Variants in RNGTT observed in about 807,000 individuals in gnomAD.
RNGTT encodes the protein RNA guanylyltransferase and 5'-phosphatase.
Under a neutral mutation model 79.3 loss-of-function variants are expected in RNGTT, and 33 were observed. The observed-to-expected ratio is 0.42, with a 90% CI of 0.32 to 0.56. The LOEUF is 0.56. Ranked by LOEUF, RNGTT falls within the 20% of genes least tolerant of loss-of-function variation. The pLI is 0.17. For missense variants in RNGTT, 497 were observed against 739.1 expected (o/e 0.67, Z 3.80); for synonymous variants, 222 against 235.9 (o/e 0.94, Z 0.54).
intron 13 of RNGTT, among the ~76,000 whole-genome samples, chr6:88,761,090 T>C (rs1439510859): frequency 3.3e-5 from 5 of 151,070 alleles, no homozygotes; most frequent in South Asian, 4.2e-4. Context: ...ACTTTTCCGA[T>C]AGGAAGTAAA....
At chr6:88,845,717 C>G (rs1392425592) in intron 10 of RNGTT, among the ~76,000 whole-genome samples, 1 of 152,124 alleles carries the variant, frequency 6.6e-6, no homozygotes, top group Admixed American at 6.5e-5. Flanking sequence ...AGAAGGATGA[C>G]AACTTTGATA....
intron 13 of RNGTT, among the ~76,000 whole-genome samples, chr6:88,687,570 C>T (rs1244756386): frequency 6.6e-6 from 1 of 152,132 alleles, no homozygotes; most frequent in Non-Finnish European, 1.5e-5. Context: ...CGGTTAAATC[C>T]ACACAGTGGA....
intron 8 of RNGTT, among the ~76,000 whole-genome samples, chr6:88,864,570 A>T (rs1438423898): frequency 6.6e-6 from 1 of 152,082 alleles, no homozygotes; most frequent in Non-Finnish European, 1.5e-5. Context: ...AAGTTACTTG[A>T]CTAAGTGTCT....
chr6:88,817,478 C>T (rs1463311540), intron 11 of RNGTT, among the ~76,000 whole-genome samples: 3 of 15,986 alleles, frequency 1.9e-4, no homozygotes, highest in Non-Finnish European at 2.2e-4. Flanking sequence ...CCTGTCTCTA[C>T]AAAAAAATAA....
intron 9 of RNGTT, 114 bp from the exon 10 acceptor site, chr6:88,849,940 T>G (rs1377106712): frequency 9.7e-7 from 1 of 1,032,554 alleles, no homozygotes; most frequent in Admixed American, 4.1e-5. Context: ...TACAACTTGA[T>G]GAAATTTCAA....
At chr6:88,776,318 G>C (rs55693280) in intron 12 of RNGTT, among the ~76,000 whole-genome samples, 1 of 146,006 alleles carries the variant, frequency 6.8e-6, no homozygotes, top group Non-Finnish European at 1.5e-5. Context: ...TACACCTTTT[G>C]ACCTTTTTTT....
chr6:88,677,230 A>T (rs944567637), intron 14 of RNGTT, among the ~76,000 whole-genome samples: 1 of 152,012 alleles, frequency 6.6e-6, no homozygotes, highest in Non-Finnish European at 1.5e-5. Flanking sequence ...AGCTCTAGAA[A>T]ATGCAAATTA....
chr6:88,738,087 T>G (rs1382360706), intron 13 of RNGTT, among the ~76,000 whole-genome samples: 1 of 152,068 alleles, frequency 6.6e-6, no homozygotes, highest in Non-Finnish European at 1.5e-5. Flanking sequence ...AAGGTCAACA[T>G]CAAAAATCAT....
At chr6:88,639,646 T>C (rs1042237679) in intron 14 of RNGTT, among the ~76,000 whole-genome samples, 10 of 152,292 alleles carry the variant, frequency 6.6e-5, no homozygotes, top group East Asian at 1.9e-4. Context: ...CTTGGAAGGA[T>C]AGATTTTTAT....
intron 13 of RNGTT, among the ~76,000 whole-genome samples, chr6:88,681,680 C>A (rs1775100566): frequency 6.6e-6 from 1 of 152,080 alleles, no homozygotes; most frequent in South Asian, 2.1e-4. Flanking sequence ...ATTTTAAATT[C>A]CCAGAGTAAA....
intron 13 of RNGTT, among the ~76,000 whole-genome samples, chr6:88,741,867 T>C (rs1777502765): frequency 6.6e-6 from 1 of 152,186 alleles, no homozygotes; most frequent in South Asian, 2.1e-4. Flanking sequence ...AGCTTTATAA[T>C]TGCAAATAAC....
chr6:88,844,342 A>C lies in RNGTT; in HGVS notation c.1269+15T>G, dbSNP rs1052277775. ...GACATTATTAGCACTAATTTAAAAA[A>C]AAATTAAACTTTACCTTTCTTGAAG... On this transcript the variant is annotated intron_variant, in intron 11 of 15. Coordinates refer to ENST00000369485, the MANE Select transcript of RNGTT (RefSeq NM_003800.5). The C allele has an allele frequency of 6.2e-6, 10 of 1,603,650 alleles. No individual in the cohort carries two copies. In the African/African-American group the frequency reaches 1.3e-4, roughly 22 times the overall value.
intron 13 of RNGTT, among the ~76,000 whole-genome samples, chr6:88,713,529 A>G (rs919336420): frequency 1.3e-5 from 2 of 152,216 alleles, no homozygotes; most frequent in Admixed American, 6.5e-5. Context: ...ACATGGTAGC[A>G]TCGATAGTTT....
At chr6:88,682,228 A>G (rs955037389) in intron 13 of RNGTT, among the ~76,000 whole-genome samples, 1 of 152,214 alleles carries the variant, frequency 6.6e-6, no homozygotes, top group African/African-American at 2.4e-5. Flanking sequence ...AATAAGCTAA[A>G]TAACTCAAAA....
At chr6:88,822,424 TA>T (rs1780524033) in intron 11 of RNGTT, among the ~76,000 whole-genome samples, 1 of 152,198 alleles carries the variant, frequency 6.6e-6, no homozygotes, top group East Asian at 1.9e-4. Context: ...ATAAAAATGT[TA>T]AAAGTTGCTA....
At chr6:88,909,012 G>A (rs1379699497) in intron 4 of RNGTT, among the ~76,000 whole-genome samples, 1 of 152,204 alleles carries the variant, frequency 6.6e-6, no homozygotes, top group African/African-American at 2.4e-5. Flanking sequence ...CAGGGGTATT[G>A]AGTTAAGCTC....
chr6:88,956,458 T>C (rs901690648), intron 1 of RNGTT, among the ~76,000 whole-genome samples: 6 of 152,202 alleles, frequency 3.9e-5, no homozygotes, highest in African/African-American at 1.2e-4. Flanking sequence ...AGCTGAATTC[T>C]ACCAGTCAAA....
intron 7 of RNGTT, among the ~76,000 whole-genome samples, chr6:88,891,118 A>G (rs1582589285): frequency 6.6e-6 from 1 of 152,186 alleles, no homozygotes; most frequent in Non-Finnish European, 1.5e-5. Flanking sequence ...AAGGTTTAAC[A>G]CAACATTAAA....
At chr6:88,822,328 T>C (rs959190305) in intron 11 of RNGTT, among the ~76,000 whole-genome samples, 2 of 152,104 alleles carry the variant, frequency 1.3e-5, no homozygotes, top group East Asian at 1.9e-4. Flanking sequence ...TAAAAGAAAA[T>C]ATATGTCCAA....
Sources: gnomAD v4.1 joint callset for allele counts (sites outside exome capture counted in the v4.1 genomes callset) on GRCh38, gnomAD v4.1.1 for gene constraint, MANE v1.5 for transcripts, NCBI Gene and HGNC (gene_info 2026-07-23, HGNC 2026-07-21) for gene names.